Variants in DISP3 observed in about 807,000 individuals in gnomAD.
DISP3 encodes dispatched RND transporter family member 3.
DISP3 carries 101 observed loss-of-function variants against 135.3 expected under a neutral mutation model. The observed-to-expected ratio is 0.75, with a 90% CI of 0.64 to 0.88. The LOEUF is 0.88. DISP3 is among the 40% of genes least tolerant of loss of function. DISP3 has a pLI of 0.00. For synonymous variants in DISP3, 856 were observed against 817.0 expected, an observed-to-expected ratio of 1.05 and a Z score of -0.81; for missense variants, 1,713 against 1,878.6, an observed-to-expected ratio of 0.91 and a Z score of 1.63.
Position 11,531,374 on chromosome 1 carries a change from C to T in DISP3, c.3230-191C>T, listed in dbSNP as rs910507818. The stretch of plus-strand genomic sequence containing the variant: ...GTGGATGAGGTCACCACCGGGGTGT[C>T]CCTGGGAGGGGCCCACAGGTCATGT... On this transcript the variant is annotated intron_variant, in intron 16 of 20. Coordinates refer to ENST00000294484, the MANE Select transcript of DISP3 (RefSeq NM_020780.2). The surrounding 1 kb of genome is among the most constrained non-coding windows in gnomAD (Gnocchi z 5.2). Among the ~76,000 whole-genome samples the T allele has an allele frequency of 6.6e-6, 1 of 152,058 alleles. No individual in the cohort carries two copies. The highest frequency in any genetic ancestry group is 2.4e-5 in the African/African-American group (1 of 41,392).
At position 11,501,848 on chromosome 1, in the gene DISP3, G is replaced by A. The variant is rs748281559; in HGVS notation, c.856G>A (p.Glu286Lys). The change falls in exon 2 of 21, where the codon GAG (glutamate) becomes AAG (lysine). Residue 286 changes from glutamate to lysine, a missense_variant. Physicochemically the swap from Glu to Lys is moderately conservative, Grantham distance 56. Coordinates refer to ENST00000294484, the MANE Select transcript of DISP3 (RefSeq NM_020780.2). This position sits in a 1 kb window ranked among gnomAD's most constrained non-coding sequence, Gnocchi z 4.9. ...CATCTTCCTGGCGCGCGGCGACGCG[G>A]AGCGCAACATTTTCACCAGTGAGCG... is the stretch of plus-strand genomic sequence containing the variant. The part of the protein sequence containing the change: ...ELIFLARGDA[E>K]RNIFTSERLV... 2 of 1,612,452 alleles carry A rather than the reference G, an allele frequency of 1.2e-6. No individual in the cohort carries two copies. Among genetic ancestry groups the A allele is most frequent in the South Asian group, 1.1e-5 (1 of 90,948 alleles).
In DISP3 at chr1:11,514,441, C is replaced by T. The variant is rs1641943728; in HGVS notation, c.1368C>T (p.Arg456=). 6.2e-7 allele frequency: 1 copy of T among 1,613,568 alleles called. No individual in the cohort carries two copies. The highest frequency in any genetic ancestry group is 8.5e-7 in the Non-Finnish European group (1 of 1,179,528). Residue 456 remains arginine, a synonymous_variant, in exon 4 of 21, where the codon CGC becomes CGT. Coordinates refer to ENST00000294484, the MANE Select transcript of DISP3 (RefSeq NM_020780.2). The stretch of plus-strand genomic sequence containing the variant: ...CAGACCTGTTTGACTATGAAGTGCG[C>T]AGGACGTTCAACAATGACATGCTCC... ...GGTDLFDYEV[R]RTFNNDMLLA...
At chr1:11,502,950 TG>T (rs1435415696) in intron 3 of DISP3, 53 bp downstream of exon 3, 1 of 1,452,748 alleles carries the variant, frequency 6.9e-7, no homozygotes, top group Admixed American at 1.9e-5. Flanking sequence ...GATTTCCAAT[TG>T]CCTCTTACTC....
chr1:11,507,671 A>G (rs1466793888), intron 3 of DISP3, among the ~76,000 whole-genome samples: 1 of 152,214 alleles, frequency 6.6e-6, no homozygotes, highest in Non-Finnish European at 1.5e-5. Context: ...TCCTTTCTGG[A>G]GTCTTAGCCC....
chr1:11,508,906 A>G (rs1355193787), intron 3 of DISP3, among the ~76,000 whole-genome samples: 2 of 151,914 alleles, frequency 1.3e-5, no homozygotes, highest in African/African-American at 4.8e-5. Flanking sequence ...TATTTCCTTG[A>G]TTTCTGCTCT....
intron 17 of DISP3, chr1:11,533,805 C>T (rs905534394): frequency 2.8e-6 from 2 of 717,680 alleles, no homozygotes; most frequent in Non-Finnish European, 5.2e-6. Flanking sequence ...TGAGCAGATA[C>T]CTTAAGAATC....
At chr1:11,487,568 TA>T (rs1479824684) in intron 1 of DISP3, among the ~76,000 whole-genome samples, 16 of 152,202 alleles carry the variant, frequency 1.1e-4, no homozygotes, top group African/African-American at 3.9e-4. Context: ...CCTAAAAGAC[TA>T]AGTAGCTTAA....
Position 11,501,726 on chromosome 1 carries a change from A to G in DISP3, c.734A>G (p.Asn245Ser), listed in dbSNP as rs1330439127. 3.8e-6 allele frequency: 6 copies of G among 1,596,598 alleles called. No individual in the cohort carries two copies. Among genetic ancestry groups the G allele is most frequent in the Non-Finnish European group, 4.3e-6 (5 of 1,171,128 alleles). Residue 245 changes from asparagine to serine, a missense_variant, in exon 2 of 21, where the codon AAT becomes AGT. Around this residue, in one of 2 missense-constraint regions of DISP3, gnomAD observed 571 missense variants for 494.1 expected, o/e 1.16. Transcript: ENST00000294484. This position sits in a 1 kb window ranked among gnomAD's most constrained non-coding sequence, Gnocchi z 4.9. ...SIPPHAAVAA[N>S]QSRARRGASR... The stretch of plus-strand genomic sequence containing the variant: ...CCGCCCCACGCGGCAGTCGCGGCCA[A>G]TCAGAGCCGTGCCCGCCGAGGCGCC...
At chr1:11,526,224 G>A (rs969417563) in intron 12 of DISP3, among the ~76,000 whole-genome samples, 1 of 152,160 alleles carries the variant, frequency 6.6e-6, no homozygotes, top group African/African-American at 2.4e-5. Context: ...CTAGGTGCTC[G>A]TTCAGGTCTC....
chr1:11,485,354 G>A (rs967040751), intron 1 of DISP3, among the ~76,000 whole-genome samples: 6 of 152,166 alleles, frequency 3.9e-5, no homozygotes, highest in African/African-American at 9.7e-5. Flanking sequence ...GGCTCACTCC[G>A]CCCAGCCATC....
At position 11,525,157 on chromosome 1, in the gene DISP3, A is replaced by G. The variant is rs539867495; in HGVS notation, c.2477-19A>G. On this transcript the variant is annotated intron_variant, in intron 11 of 20. Transcript: ENST00000294484. Reference sequence around the variant, plus strand: ...TCGAGGTCAAGTCCACCCCTCTTTCATCCCTTATTTGTCCGTAGATTTCCC... The same window carrying G: ...TCGAGGTCAAGTCCACCCCTCTTTCGTCCCTTATTTGTCCGTAGATTTCCC... 41 of 1,612,024 alleles carry G rather than the reference A, an allele frequency of 2.5e-5. No homozygotes were observed. In the South Asian group the frequency reaches 3.6e-4, roughly 14 times the overall value.
chr1:11,532,967 A>C (rs928522240), intron 17 of DISP3, among the ~76,000 whole-genome samples: 1 of 151,946 alleles, frequency 6.6e-6, no homozygotes, highest in Non-Finnish European at 1.5e-5. Context: ...CGGCCTCCCA[A>C]AGTGCTGGGA....
chr1:11,533,651 C>T, intron 17 of DISP3: 1 of 648,064 alleles, frequency 1.5e-6, no homozygotes, highest in Non-Finnish European at 2.8e-6. Flanking sequence ...CAGGCAGTTC[C>T]AGGGAGGAGA....
chr1:11,517,522 G>A lies in DISP3; in HGVS notation c.1809G>A (p.Leu603=), dbSNP rs753883898. Residue 603 remains leucine, a synonymous_variant, in exon 7 of 21, where the codon CTG becomes CTA. Transcript: ENST00000294484. ...FMSLIVSCCW[L]AVLVTMPAAL... is the part of the protein sequence containing the mutation. Reference sequence around the variant, plus strand: ...CTCTCATCGTGTCCTGTTGCTGGCTGGCCGTGCTTGTCACCATGCCTGCAG... The same window carrying A: ...CTCTCATCGTGTCCTGTTGCTGGCTAGCCGTGCTTGTCACCATGCCTGCAG... 3.1e-6 allele frequency: 5 copies of A among 1,614,070 alleles called. No homozygotes were observed. In the East Asian group the frequency reaches 8.9e-5, roughly 29 times the overall value.
intron 3 of DISP3, among the ~76,000 whole-genome samples, chr1:11,510,170 T>C (rs1441463285): frequency 6.6e-6 from 1 of 152,224 alleles, no homozygotes; most frequent in African/African-American, 2.4e-5. Flanking sequence ...TTAAGCCATT[T>C]ACAGTTAATG....
At position 11,536,855 on chromosome 1, in the gene DISP3, T is replaced by C. The variant is rs2745294; in HGVS notation, c.*169T>C. 0.11 allele frequency: 102,849 copies of C among 974,834 alleles called. 12,519 individuals are homozygous for C. The highest frequency in any genetic ancestry group is 0.54 in the African/African-American group (32,072 of 59,318). 60.4% of individuals were successfully genotyped at this position (974,834 alleles called of 1,614,324 possible). A position where few individuals can be genotyped will look rare whatever the true frequency, so the allele number is the denominator to read the frequency against. Reference sequence around the variant, plus strand: ...AGATGGTGTGGACCATGCTGCCTTGTGGAGCTGGGAGTTGGAGACAGCCGC... The same window carrying C: ...AGATGGTGTGGACCATGCTGCCTTGCGGAGCTGGGAGTTGGAGACAGCCGC... On this transcript the variant is annotated 3_prime_UTR_variant, in exon 21 of 21. Transcript: ENST00000294484. The surrounding 1 kb of genome is among the most constrained non-coding windows in gnomAD (Gnocchi z 4.3).
intron 1 of DISP3, chr1:11,481,407 A>C (rs965773010): frequency 1.3e-5 from 2 of 152,336 alleles, no homozygotes; most frequent in Non-Finnish European, 1.5e-5. Flanking sequence ...CTTTGGGTGA[A>C]GCATTCTGGA....
intron 1 of DISP3, among the ~76,000 whole-genome samples, chr1:11,495,183 A>G (rs1377101035): frequency 6.6e-6 from 1 of 152,140 alleles, no homozygotes; most frequent in African/African-American, 2.4e-5. Context: ...GCTTGTCAGG[A>G]GTTCGAGACC....
chr1:11,480,795 A>C (rs188485670), intron 1 of DISP3, among the ~76,000 whole-genome samples: 49 of 150,860 alleles, frequency 3.2e-4, no homozygotes, highest in Non-Finnish European at 5.9e-4. Flanking sequence ...CTGCCAGGGG[A>C]CCAGGGGATC....
Sources: allele counts gnomAD v4.1 joint callset (sites outside exome capture counted in the v4.1 genomes callset), GRCh38; gene constraint gnomAD v4.1.1; regional missense constraint gnomAD v4.1.1; non-coding constraint Gnocchi (gnomAD v3.1); transcripts MANE v1.5; gene names NCBI Gene and HGNC (gene_info 2026-07-23, HGNC 2026-07-21).